The following KCNIP4 variants were observed in gnomAD, a reference collection of about 807,000 sequenced individuals.
KCNIP4 encodes Kv channel-interacting protein 4.
A neutral mutation model predicts 34.0 loss-of-function variants in KCNIP4; 12 were observed. The observed-to-expected ratio is 0.35, with a 90% CI of 0.23 to 0.57. The LOEUF is 0.57. Ranked by LOEUF, KCNIP4 falls within the 20% of genes least tolerant of loss-of-function variation. The pLI, the probability that KCNIP4 is intolerant of heterozygous loss-of-function variation, is 0.83. For synonymous variants in KCNIP4, 124 were observed against 102.2 expected (o/e 1.21, Z -1.29); for missense variants, 238 against 311.7 (o/e 0.76, Z 1.78).
At chr4:21,700,513 A>G (rs558796115) in intron 1 of KCNIP4, among the ~76,000 whole-genome samples, 1 of 151,858 alleles carries the variant, frequency 6.6e-6, no homozygotes, top group Admixed American at 6.6e-5. Context: ...ATGGTTTGCA[A>G]ATATTTTCTC....
chr4:21,597,496 A>C (rs1742750838), intron 1 of KCNIP4, among the ~76,000 whole-genome samples: 1 of 152,184 alleles, frequency 6.6e-6, no homozygotes, highest in African/African-American at 2.4e-5. Flanking sequence ...TCCTGTTTCA[A>C]AATTAGCATA....
At chr4:21,267,854 C>T (rs1761911755) in intron 1 of KCNIP4, among the ~76,000 whole-genome samples, 1 of 150,576 alleles carries the variant, frequency 6.6e-6, no homozygotes, top group Non-Finnish European at 1.5e-5. Context: ...CAAGATGATG[C>T]TGGCCTCATA....
At chr4:21,273,549 C>T (rs1022486826) in intron 1 of KCNIP4, among the ~76,000 whole-genome samples, 3 of 152,150 alleles carry the variant, frequency 2.0e-5, no homozygotes, top group African/African-American at 4.8e-5. Flanking sequence ...CCATAATCCT[C>T]ATCATTATAC....
intron 1 of KCNIP4, among the ~76,000 whole-genome samples, chr4:20,981,907 T>G (rs2149692531): frequency 6.6e-6 from 1 of 152,328 alleles, no homozygotes; most frequent in Non-Finnish European, 1.5e-5. Context: ...AGGAATATGA[T>G]TTAGATATCT....
At chr4:21,573,262 A>G (rs921099895) in intron 1 of KCNIP4, among the ~76,000 whole-genome samples, 3 of 152,150 alleles carry the variant, frequency 2.0e-5, no homozygotes, top group African/African-American at 7.2e-5. Flanking sequence ...TATGAACTCT[A>G]ATCCACTAAA....
intron 1 of KCNIP4, among the ~76,000 whole-genome samples, chr4:21,033,535 C>G (rs967141839): frequency 6.6e-6 from 1 of 152,086 alleles, no homozygotes; most frequent in Non-Finnish European, 1.5e-5. Context: ...CCTCACATAA[C>G]TTTTATAGCT....
chr4:21,013,444 AC>A (rs372924408), intron 1 of KCNIP4, among the ~76,000 whole-genome samples: 123 of 151,902 alleles, frequency 8.1e-4, no homozygotes, highest in African/African-American at 2.8e-3. Context: ...TGACCCACTG[AC>A]CCCCAGACAC....
intron 1 of KCNIP4, among the ~76,000 whole-genome samples, chr4:21,128,034 A>G (rs1398748898): frequency 6.6e-6 from 1 of 152,200 alleles, no homozygotes; most frequent in African/African-American, 2.4e-5. Context: ...ATCTATGTTT[A>G]TTAAAAGGGT....
intron 3 of KCNIP4, among the ~76,000 whole-genome samples, chr4:20,817,906 G>C (rs554360585): frequency 1.2e-4 from 19 of 152,304 alleles, no homozygotes; most frequent in African/African-American, 4.3e-4. Context: ...AGTATGAGGA[G>C]AAGGAGCAGT....
At chr4:20,928,707 A>C (rs2149597327) in intron 1 of KCNIP4, among the ~76,000 whole-genome samples, 1 of 152,062 alleles carries the variant, frequency 6.6e-6, no homozygotes, top group Admixed American at 6.5e-5. Flanking sequence ...AAAATTCACA[A>C]ACTCCTAACT....
chr4:20,798,196 G>C (rs1198977389), intron 3 of KCNIP4, among the ~76,000 whole-genome samples: 2 of 152,112 alleles, frequency 1.3e-5, no homozygotes, highest in Non-Finnish European at 2.9e-5. Flanking sequence ...TAAAGACTAT[G>C]TTATCAGGAT....
At chr4:21,808,239 C>A (rs1348073021) in intron 1 of KCNIP4, among the ~76,000 whole-genome samples, 1 of 152,080 alleles carries the variant, frequency 6.6e-6, no homozygotes, top group Non-Finnish European at 1.5e-5. Context: ...TACAGTTGAT[C>A]CTTGAACACA....
At chr4:21,226,354 A>AGAAG (rs778357072) in intron 1 of KCNIP4, among the ~76,000 whole-genome samples, 7,599 of 135,854 alleles carry the variant, frequency 0.056, 275 homozygotes, top group African/African-American at 0.078. Flanking sequence ...GAGAAGGAAG[A>AGAAG]GAAGGAAGGA....
intron 1 of KCNIP4, among the ~76,000 whole-genome samples, chr4:21,781,153 G>A (rs1719549940): frequency 6.6e-6 from 1 of 152,136 alleles, no homozygotes; most frequent in African/African-American, 2.4e-5. Context: ...GATCGTGGGG[G>A]TGGTTTCCCC....
rs373456404 is a variant in KCNIP4, at chr4:21,569,614, G to T, written c.61+378957C>A. 1.7e-3 allele frequency among the ~76,000 whole-genome samples: 256 copies of T among 152,194 alleles called. 11 individuals carry two copies. In the South Asian group the frequency reaches 0.047, roughly 28 times the overall value. Reference sequence around the variant, plus strand: ...CATTGTGGGATCAGAAAAGGAGGTGGCATTTGAGAAGAAACTTGAAGGATG... The same window carrying T: ...CATTGTGGGATCAGAAAAGGAGGTGTCATTTGAGAAGAAACTTGAAGGATG... On this transcript the variant is annotated intron_variant, in intron 1 of 8. Transcript: ENST00000382152.
intron 1 of KCNIP4, among the ~76,000 whole-genome samples, chr4:20,955,755 A>G (rs1211021606): frequency 6.6e-6 from 1 of 152,164 alleles, no homozygotes; most frequent in Non-Finnish European, 1.5e-5. Flanking sequence ...TAGGTATTCC[A>G]ATTTCATTTC....
intron 1 of KCNIP4, among the ~76,000 whole-genome samples, chr4:21,033,205 A>C (rs749465463): frequency 5.5e-4 from 84 of 152,210 alleles, no homozygotes; most frequent in Non-Finnish European, 9.4e-4. Context: ...CCCATTCCAC[A>C]TAAGAACTCA....
At chr4:21,783,592 T>A (rs1313638735) in intron 1 of KCNIP4, among the ~76,000 whole-genome samples, 1 of 152,108 alleles carries the variant, frequency 6.6e-6, no homozygotes, top group Non-Finnish European at 1.5e-5. Flanking sequence ...CCAAAGCAGA[T>A]GTCATTTCCA....
At chr4:21,827,965 G>A (rs557042276) in intron 1 of KCNIP4, among the ~76,000 whole-genome samples, 9 of 149,622 alleles carry the variant, frequency 6.0e-5, no homozygotes, top group Middle Eastern at 3.2e-3. Context: ...TGGGTAAAAC[G>A]AGCCGCTCTA....
Sources: gnomAD v4.1 joint callset for allele counts (sites outside exome capture counted in the v4.1 genomes callset) on GRCh38, gnomAD v4.1.1 for gene constraint, MANE v1.5 for transcripts, NCBI Gene and HGNC (gene_info 2026-07-23, HGNC 2026-07-21) for gene names.